The following SGK2 variants were observed in gnomAD, a reference collection of about 807,000 sequenced individuals.
The protein encoded by SGK2 is serum/glucocorticoid regulated kinase 2.
A neutral mutation model predicts 47.5 loss-of-function variants in SGK2; 36 were observed. The observed-to-expected ratio is 0.76, with a 90% CI of 0.58 to 1.00. SGK2 has a LOEUF of 1.00. SGK2 is among the 50% of genes least tolerant of loss of function. The pLI is 0.00. For synonymous variants in SGK2, 157 were observed against 181.9 expected, an observed-to-expected ratio of 0.86 and a Z score of 1.10; for missense variants, 404 against 467.4, an observed-to-expected ratio of 0.86 and a Z score of 1.25.
chr20:43,565,160 G>A (rs1979618311), intron 1 of SGK2: 1 of 152,288 alleles, frequency 6.6e-6, no homozygotes, highest in Non-Finnish European at 1.5e-5. Context: ...TCTGTGCTGG[G>A]GCCAGGCCGG....
At position 43,567,083 on chromosome 20, in the gene SGK2, G is replaced by A. The variant is rs1979778472; in HGVS notation, c.52G>A (p.Gly18Arg). Residue 18 changes from glycine (G) to arginine (R), a missense_variant, in exon 3 of 13, where the codon GGG becomes AGG. Gly to Arg is a moderately radical substitution (Grantham distance 125). Coordinates refer to ENST00000373100, the MANE Select transcript of SGK2 (RefSeq NM_170693.3). ...TPSPQPSRAN[G>R]NINLGPSANP... ...CTTTCTTTAGCCCTCCAGGGCCAATGGGAACATCAACCTGGGGCCTTCAGC... is the reference window on the plus strand; with the variant it reads ...CTTTCTTTAGCCCTCCAGGGCCAATAGGAACATCAACCTGGGGCCTTCAGC... 3 of 1,614,106 alleles carry A rather than the reference G, an allele frequency of 1.9e-6. No individual in the cohort carries two copies. The highest frequency in any genetic ancestry group is 2.5e-6 in the Non-Finnish European group (3 of 1,179,952).
chr20:43,567,840 G>T, intron 4 of SGK2, 76 bp from the exon 5 acceptor site: 1 of 1,546,666 alleles, frequency 6.5e-7, no homozygotes, highest in Non-Finnish European at 8.9e-7. Flanking sequence ...AAAAGCAGGG[G>T]CAGGCGGGAG....
intron 11 of SGK2, among the ~76,000 whole-genome samples, chr20:43,579,714 G>A (rs1209336900): frequency 6.6e-6 from 1 of 152,166 alleles, no homozygotes; most frequent in African/African-American, 2.4e-5. Context: ...CTAGCAAAGG[G>A]TCGGTGCCCA....
At position 43,572,754 on chromosome 20, in the gene SGK2, A is replaced by G. The variant is rs1176001828; in HGVS notation, c.597+617A>G. Among the ~76,000 whole-genome samples, 1 of 152,256 alleles carries G rather than the reference A, an allele frequency of 6.6e-6. No individual in the cohort carries two copies. Among genetic ancestry groups the G allele is most frequent in the Non-Finnish European group, 1.5e-5 (1 of 68,038 alleles). ...TTCCAGCAGCCACATTTAAAAAGTA[A>G]GAAAGTAACAGGTGAAATTAATTTT... On this transcript the variant is annotated intron_variant, in intron 9 of 12. Transcript: ENST00000373100. This position sits in a 1 kb window ranked among gnomAD's most constrained non-coding sequence, Gnocchi z 4.2.
chr20:43,578,350 T>G, intron 11 of SGK2, among the ~76,000 whole-genome samples: 1 of 152,010 alleles, frequency 6.6e-6, no homozygotes, highest in Non-Finnish European at 1.5e-5. Flanking sequence ...CCAGGTGTGG[T>G]GGTGGGTGCC....
intron 8 of SGK2, among the ~76,000 whole-genome samples, chr20:43,571,472 G>C (rs532351241): frequency 6.6e-6 from 1 of 152,232 alleles, no homozygotes; most frequent in Non-Finnish European, 1.5e-5. Flanking sequence ...GTAGTTACCA[G>C]TGGGGCCTCA....
chr20:43,567,100 G>A lies in SGK2; in HGVS notation c.69G>A (p.Gly23=), dbSNP rs904471693. ...PSRANGNINL[G]PSANPNAQPT... ...GGGCCAATGGGAACATCAACCTGGG[G>A]CCTTCAGCCAACCCAAAGTGAGTTC... Residue 23 remains glycine, a synonymous_variant, in exon 3 of 13, where the codon GGG becomes GGA. Transcript: ENST00000373100. 6.2e-7 allele frequency: 1 copy of A among 1,614,096 alleles called. No homozygotes were observed. Among genetic ancestry groups the A allele is most frequent in the Non-Finnish European group, 8.5e-7 (1 of 1,179,964 alleles).
At chr20:43,576,165 C>T in intron 10 of SGK2, 59 bp from the exon 11 acceptor site, 1 of 1,592,310 alleles carries the variant, frequency 6.3e-7, no homozygotes, top group Non-Finnish European at 8.6e-7. Context: ...TCCAAGTCTC[C>T]CCGAGCCTGT....
chr20:43,576,002 G>C (rs767860931), intron 10 of SGK2, among the ~76,000 whole-genome samples: 6 of 152,186 alleles, frequency 3.9e-5, no homozygotes, highest in Non-Finnish European at 8.8e-5. Flanking sequence ...GATGAAAAGA[G>C]ATGGGCCTCA....
At chr20:43,568,784 C>T (rs1337897897) in intron 5 of SGK2, among the ~76,000 whole-genome samples, 1 of 152,216 alleles carries the variant, frequency 6.6e-6, no homozygotes, top group African/African-American at 2.4e-5. Context: ...TCATGGATTT[C>T]TTGATGCCTC....
In SGK2 at chr20:43,566,509, C is replaced by A; in HGVS notation, c.14C>A (p.Pro5Gln). 1.2e-6 allele frequency: 2 copies of A among 1,613,758 alleles called. No individual in the cohort carries two copies. The highest frequency in any genetic ancestry group is 1.7e-6 in the Non-Finnish European group (2 of 1,179,828). MNSS[P>Q]AGTPSPQPSR... ...CATTGCTACAGAATGAACTCTAGCCCAGCTGGGACCCCAAGTCCACAGGTG... is the reference window on the plus strand; with the variant it reads ...CATTGCTACAGAATGAACTCTAGCCAAGCTGGGACCCCAAGTCCACAGGTG... Residue 5 changes from proline to glutamine, a missense_variant, in exon 2 of 13, where the codon CCA (proline) becomes CAA (glutamine). By Grantham distance (76) the Pro-to-Gln change is moderately conservative (BLOSUM62 -1). Transcript: ENST00000373100.
intron 7 of SGK2, 92 bp downstream of exon 7, chr20:43,570,821 G>T: frequency 7.8e-7 from 1 of 1,274,364 alleles, no homozygotes; most frequent in South Asian, 1.3e-5. Flanking sequence ...ATGAAATCCT[G>T]GTGGACTTGG....
At position 43,570,673 on chromosome 20, in the gene SGK2, C is replaced by T. The variant is rs766728090; in HGVS notation, c.417C>T (p.Tyr139=). The part of the protein sequence containing the change: ...RRFLEPRARF[Y]AAEVASAIGY... ...TCCTGGAGCCCCGGGCCAGGTTCTA[C>T]GCTGCTGAGGTGGCCAGCGCCATTG... The change falls in exon 7 of 13, where the codon TAC becomes TAT. Residue 139 remains tyrosine, a synonymous_variant. Transcript: ENST00000373100. 33 of 1,613,498 alleles carry T rather than the reference C, an allele frequency of 2.0e-5. No homozygotes were observed. Among genetic ancestry groups the T allele is most frequent in the Admixed American group, 3.3e-5 (2 of 59,984 alleles).
rs1980208792 is a variant in SGK2 at position 43,572,581 on chromosome 20, G to A, written c.597+444G>A. On this transcript the variant is annotated intron_variant, in intron 9 of 12. Transcript: ENST00000373100. This position sits in a 1 kb window ranked among gnomAD's most constrained non-coding sequence, Gnocchi z 4.2. The stretch of plus-strand genomic sequence containing the variant: ...AGTCCCAGCTACTCGGGAGGCTGAG[G>A]CAGGAGAATCGCTTGAATACAGGAG... 1.3e-5 allele frequency among the ~76,000 whole-genome samples: 2 copies of A among 152,144 alleles called. No homozygotes were observed. The highest frequency in any genetic ancestry group is 4.8e-5 in the African/African-American group (2 of 41,428).
At chr20:43,566,602 TC>T in intron 2 of SGK2, 71 bp downstream of exon 2, 2 of 1,108,054 alleles carry the variant, frequency 1.8e-6, no homozygotes, top group Non-Finnish European at 2.7e-6. Context: ...AATCTGTGGG[TC>T]CCAGACAATG....
intron 12 of SGK2, among the ~76,000 whole-genome samples, chr20:43,581,399 A>G (rs1268512561): frequency 6.6e-6 from 1 of 152,054 alleles, no homozygotes; most frequent in Non-Finnish European, 1.5e-5. Flanking sequence ...TGGCAATCTT[A>G]TGGTTGTTAC....
intron 10 of SGK2, 140 bp from the exon 11 acceptor site, chr20:43,576,084 T>C: frequency 1.0e-6 from 1 of 964,898 alleles, no homozygotes; most frequent in Non-Finnish European, 1.6e-6. Context: ...GTCCTGTCTC[T>C]TTCCAGTCTG....
intron 1 of SGK2, among the ~76,000 whole-genome samples, chr20:43,565,582 C>T (rs1160478522): frequency 6.6e-6 from 1 of 152,158 alleles, no homozygotes; most frequent in Non-Finnish European, 1.5e-5. Flanking sequence ...GAAATCTCTA[C>T]TCAGAGAGGC....
intron 9 of SGK2, 24 bp from the exon 10 acceptor site, chr20:43,574,885 A>G (rs775901288): frequency 9.4e-6 from 15 of 1,594,450 alleles, no homozygotes; most frequent in Admixed American, 1.7e-5. Flanking sequence ...ACTTATTTCA[A>G]ATAAGTGTGT....
Sources: gnomAD v4.1 joint callset for allele counts (sites outside exome capture counted in the v4.1 genomes callset) on GRCh38, gnomAD v4.1.1 for gene constraint, Gnocchi (gnomAD v3.1) non-coding constraint, MANE v1.5 for transcripts, NCBI Gene and HGNC (gene_info 2026-07-23, HGNC 2026-07-21) for gene names.